ELMO1: variants seen among roughly 807,000 people sequenced by gnomAD.
The protein encoded by ELMO1 is engulfment and cell motility 1.
In ELMO1, 26 loss-of-function variants were observed where a neutral mutation model predicts 98.9. That is an observed-to-expected ratio of 0.26 (90% CI 0.19 to 0.36). The LOEUF (loss-of-function observed/expected upper bound fraction) is 0.36. Among genes scored for constraint, ELMO1 ranks in the 10% least tolerant of loss-of-function variants. ELMO1 has a pLI of 1.00. For missense variants in ELMO1, 627 were observed against 935.2 expected, an observed-to-expected ratio of 0.67 and a Z score of 4.30; for synonymous variants, 346 against 346.0, an observed-to-expected ratio of 1.00 and a Z score of 0.00.
At chr7:37,024,416 T>G (rs770918253) in intron 15 of ELMO1, among the ~76,000 whole-genome samples, 73 of 152,228 alleles carry the variant, frequency 4.8e-4, no homozygotes, top group Admixed American at 1.7e-3. Context: ...CTTTTCTTAC[T>G]TTTATTTTGG....
At chr7:37,322,070 G>T (rs1292616172) in intron 2 of ELMO1, among the ~76,000 whole-genome samples, 1 of 151,712 alleles carries the variant, frequency 6.6e-6, no homozygotes, top group East Asian at 2.0e-4. Context: ...ATGTTGGCCA[G>T]ACTGGTCTCG....
intron 15 of ELMO1, among the ~76,000 whole-genome samples, chr7:37,041,089 A>G (rs1795479507): frequency 6.6e-6 from 1 of 152,204 alleles, no homozygotes; most frequent in African/African-American, 2.4e-5. Context: ...CAAAAAATAT[A>G]TAATAATAAA....
intron 16 of ELMO1, among the ~76,000 whole-genome samples, chr7:36,970,180 AACACACACACACACACACACACACAC>A (rs56928749): frequency 6.9e-6 from 1 of 144,242 alleles, no homozygotes; most frequent in Non-Finnish European, 1.5e-5. Context: ...TCATACACTT[AACACACACACACACACACACACACAC>A]ACACACACAC....
At chr7:37,299,393 T>G (rs1221758639) in intron 4 of ELMO1, among the ~76,000 whole-genome samples, 1 of 145,998 alleles carries the variant, frequency 6.8e-6, no homozygotes, top group African/African-American at 2.5e-5. Flanking sequence ...CTAGGGTTTT[T>G]ATGGTTTTAG....
intron 15 of ELMO1, among the ~76,000 whole-genome samples, chr7:37,060,076 A>G (rs1584581381): frequency 6.6e-6 from 1 of 152,258 alleles, no homozygotes. Context: ...ACTGACCTTC[A>G]TAACAGTCCC....
chr7:37,226,934 G>A (rs994462755), intron 8 of ELMO1, among the ~76,000 whole-genome samples: 3 of 152,136 alleles, frequency 2.0e-5, no homozygotes, highest in African/African-American at 7.2e-5. Context: ...GTCTAGTATG[G>A]ACAGATAAAA....
intron 16 of ELMO1, among the ~76,000 whole-genome samples, chr7:36,916,253 C>T (rs1784683712): frequency 6.6e-6 from 1 of 152,298 alleles, no homozygotes; most frequent in East Asian, 1.9e-4. Flanking sequence ...CCAGTCATAG[C>T]ATCTTTGCAC....
intron 15 of ELMO1, among the ~76,000 whole-genome samples, chr7:37,063,542 A>T (rs909911374): frequency 9.8e-5 from 15 of 152,332 alleles, no homozygotes; most frequent in African/African-American, 3.4e-4. Flanking sequence ...TACCTATAGT[A>T]TCAGCAATAG....
intron 1 of ELMO1, among the ~76,000 whole-genome samples, chr7:37,361,716 TGGGAGGCCAAGG>T (rs1215354151): frequency 2.0e-5 from 3 of 152,230 alleles, no homozygotes; most frequent in African/African-American, 7.2e-5. Flanking sequence ...CCCAGCACTT[TGGGAGGCCAAGG>T]CCGGCGGATG....
At chr7:37,341,648 C>T (rs554932638) in intron 2 of ELMO1, among the ~76,000 whole-genome samples, 22 of 152,210 alleles carry the variant, frequency 1.4e-4, no homozygotes, top group East Asian at 7.7e-4. Flanking sequence ...CCTTTGGATT[C>T]GCACAATTCC....
At chr7:36,930,687 A>C (rs10278553) in intron 16 of ELMO1, among the ~76,000 whole-genome samples, 8 of 152,130 alleles carry the variant, frequency 5.3e-5, no homozygotes, top group Non-Finnish European at 5.9e-5. Flanking sequence ...TTTTAGAAAC[A>C]CCTCACTGAT....
rs141078538 is a variant in ELMO1 at position 36,999,025 on chromosome 7, G to C, written c.1437+14274C>G. Among the ~76,000 whole-genome samples the C allele has an allele frequency of 1.9e-3, 295 of 152,208 alleles. 3 individuals carry two copies. The highest frequency in any genetic ancestry group is 0.01 in the Middle Eastern group (3 of 294). ...GAAGAGACTAATGATGCAAAGATTA[G>C]AAATGATAACGGACAGAGCCCCAGA... On this transcript the variant is annotated intron_variant, in intron 16 of 21. Coordinates refer to ENST00000310758, the MANE Select transcript of ELMO1 (RefSeq NM_014800.11).
chr7:37,244,317 G>C (rs747552757), intron 7 of ELMO1, 39 bp downstream of exon 7: 3 of 1,604,680 alleles, frequency 1.9e-6, no homozygotes, highest in African/African-American at 1.3e-5. Flanking sequence ...AAAGTAGGAA[G>C]GGTTAAATCA....
chr7:37,311,862 G>A (rs1192506669), intron 4 of ELMO1, among the ~76,000 whole-genome samples: 2 of 152,216 alleles, frequency 1.3e-5, no homozygotes, highest in Non-Finnish European at 2.9e-5. Flanking sequence ...TTTGTGGCCA[G>A]TCCTTTATAA....
chr7:37,278,113 C>CTTTTTTTTTT (rs36110041), intron 4 of ELMO1, among the ~76,000 whole-genome samples: 7 of 85,602 alleles, frequency 8.2e-5, no homozygotes, highest in South Asian at 1.0e-3. Flanking sequence ...ATAGCTTTTC[C>CTTTTTTTTTT]TTTTTTTTTT....
chr7:37,188,495 A>ATAATAAT (rs1554438141), intron 13 of ELMO1, among the ~76,000 whole-genome samples: 21 of 65,620 alleles, frequency 3.2e-4, no homozygotes, highest in African/African-American at 8.9e-4. Context: ...GGTAAAAAAA[A>ATAATAAT]AAAAAAAATA....
At chr7:37,183,877 A>C (rs1308565894) in intron 13 of ELMO1, among the ~76,000 whole-genome samples, 2 of 152,214 alleles carry the variant, frequency 1.3e-5, no homozygotes, top group Non-Finnish European at 2.9e-5. Flanking sequence ...TACATTTATA[A>C]AAGATCTATT....
At chr7:37,091,661 C>T (rs1214874593) in intron 15 of ELMO1, among the ~76,000 whole-genome samples, 1 of 151,976 alleles carries the variant, frequency 6.6e-6, no homozygotes, top group East Asian at 1.9e-4. Context: ...AGACTTGCTC[C>T]TTTCTTGAAA....
At chr7:36,902,151 A>T (rs1431922611) in intron 16 of ELMO1, among the ~76,000 whole-genome samples, 2 of 152,208 alleles carry the variant, frequency 1.3e-5, no homozygotes, top group Admixed American at 1.3e-4. Flanking sequence ...CAGCTCAGCC[A>T]GTGTGCAACC....
Sources: allele counts gnomAD v4.1 joint callset (sites outside exome capture counted in the v4.1 genomes callset), GRCh38; gene constraint gnomAD v4.1.1; transcripts MANE v1.5; gene names NCBI Gene and HGNC (gene_info 2026-07-23, HGNC 2026-07-21).